The following EIF4G3 variants were observed in gnomAD, a reference collection of about 807,000 sequenced individuals.
EIF4G3 encodes the protein eIF-4-gamma 3.
A neutral mutation model predicts 186.4 loss-of-function variants in EIF4G3; 34 were observed. That is an observed-to-expected ratio of 0.18 (90% confidence interval 0.14 to 0.24). The LOEUF is 0.24. Among genes scored for constraint, EIF4G3 ranks in the 10% least tolerant of loss-of-function variants. EIF4G3 has a pLI of 1.00. For synonymous variants in EIF4G3, 673 were observed against 679.5 expected (o/e 0.99, Z 0.15); for missense variants, 1,536 against 1,948.5 (o/e 0.79, Z 3.99).
intron 9 of EIF4G3, 79 bp from the exon 10 acceptor site, chr1:20,980,527 A>C: frequency 1.0e-6 from 1 of 961,160 alleles, no homozygotes; most frequent in Non-Finnish European, 1.5e-6. Flanking sequence ...ATAAGAAAGT[A>C]GCTTACTACA....
In EIF4G3 at chr1:21,154,211, G is replaced by T. The variant is rs76879486; in HGVS notation, c.-272+21964C>A. ...CTTCCCTAGGAATGTGCCTCTGGTTGCAATAAACAAACTCTCTATATAGAT... is the reference window on the plus strand; with the variant it reads ...CTTCCCTAGGAATGTGCCTCTGGTTTCAATAAACAAACTCTCTATATAGAT... On this transcript the variant is annotated intron_variant, in intron 2 of 36. Coordinates refer to ENST00000602326, the MANE Select transcript of EIF4G3 (RefSeq NM_001391906.1). 3.7e-3 allele frequency among the ~76,000 whole-genome samples: 570 copies of T among 152,292 alleles called. 1 individual carries two copies. The highest frequency in any genetic ancestry group is 6.4e-3 in the Non-Finnish European group (434 of 68,014).
chr1:21,113,660 G>A (rs1296937248), intron 2 of EIF4G3, among the ~76,000 whole-genome samples: 1 of 152,018 alleles, frequency 6.6e-6, no homozygotes, highest in African/African-American at 2.4e-5. Flanking sequence ...TTGGTCACCT[G>A]GAAAATACTG....
At chr1:21,018,714 T>C (rs2089921928) in intron 4 of EIF4G3, among the ~76,000 whole-genome samples, 1 of 152,166 alleles carries the variant, frequency 6.6e-6, no homozygotes, top group African/African-American at 2.4e-5. Flanking sequence ...GCTGCCATCC[T>C]TGCTGGAGTG....
intron 2 of EIF4G3, among the ~76,000 whole-genome samples, chr1:21,129,889 G>A (rs965369251): frequency 6.6e-6 from 1 of 152,058 alleles, no homozygotes; most frequent in African/African-American, 2.4e-5. Flanking sequence ...CATGGAAGAG[G>A]GGAGGTAACA....
intron 12 of EIF4G3, among the ~76,000 whole-genome samples, chr1:20,954,316 T>A (rs969814003): frequency 3.2e-4 from 48 of 151,912 alleles, no homozygotes; most frequent in African/African-American, 1.0e-3. Context: ...GGCGGGTGGA[T>A]CACGACGTTA....
intron 4 of EIF4G3, among the ~76,000 whole-genome samples, chr1:21,029,070 T>C (rs2092470018): frequency 6.6e-6 from 1 of 151,018 alleles, no homozygotes; most frequent in Non-Finnish European, 1.5e-5. Context: ...CGCTCTGGGG[T>C]ACAGTGGCGT....
At chr1:20,928,370 C>A (rs995983676) in intron 14 of EIF4G3, among the ~76,000 whole-genome samples, 2 of 152,062 alleles carry the variant, frequency 1.3e-5, no homozygotes, top group African/African-American at 2.4e-5. Context: ...CTAAGCAAAT[C>A]CTTATATAGA....
At chr1:21,036,221 C>T (rs1186983968) in intron 4 of EIF4G3, among the ~76,000 whole-genome samples, 2 of 152,124 alleles carry the variant, frequency 1.3e-5, no homozygotes, top group African/African-American at 4.8e-5. Context: ...TCTAGGGCCT[C>T]CTCTCTGCCG....
intron 3 of EIF4G3, among the ~76,000 whole-genome samples, chr1:21,063,375 C>T (rs548368467): frequency 1.9e-4 from 29 of 152,070 alleles, no homozygotes; most frequent in African/African-American, 7.0e-4. Flanking sequence ...ATTGATTCTG[C>T]TGAGAGAGCG....
At chr1:20,829,440 T>C (rs1343792598) in intron 30 of EIF4G3, among the ~76,000 whole-genome samples, 168 bp from the exon 31 acceptor site, 1 of 152,182 alleles carries the variant, frequency 6.6e-6, no homozygotes, top group Non-Finnish European at 1.5e-5. Flanking sequence ...AAAGAGATTA[T>C]GTTAGCGTGG....
chr1:20,923,620 G>A (rs561467842), intron 14 of EIF4G3, among the ~76,000 whole-genome samples: 59 of 151,692 alleles, frequency 3.9e-4, no homozygotes, highest in South Asian at 1.0e-3. Context: ...TCACTGCCTC[G>A]AATATATAAC....
intron 12 of EIF4G3, among the ~76,000 whole-genome samples, chr1:20,961,181 A>C (rs1367755190): frequency 6.6e-6 from 1 of 152,104 alleles, no homozygotes; most frequent in Non-Finnish European, 1.5e-5. Context: ...TCAGGAGATC[A>C]AGACCATCCT....
At chr1:21,080,421 A>G (rs2095737334) in intron 3 of EIF4G3, among the ~76,000 whole-genome samples, 2 of 152,094 alleles carry the variant, frequency 1.3e-5, no homozygotes, top group Non-Finnish European at 2.9e-5. Flanking sequence ...AGCCTGTGCA[A>G]GAGCGGAGGA....
chr1:21,165,624 C>A lies in EIF4G3; in HGVS notation c.-272+10551G>T, dbSNP rs1267728745. The stretch of plus-strand genomic sequence containing the variant: ...ATTTACGTAAAAAGTTCAAAATAGG[C>A]AGATATATAGAGGCAGAAAATAGAC... On this transcript the variant is annotated intron_variant, in intron 2 of 36. Coordinates refer to ENST00000602326, the MANE Select transcript of EIF4G3 (RefSeq NM_001391906.1). Among the ~76,000 whole-genome samples the A allele has an allele frequency of 2.0e-5, 3 of 152,032 alleles. No individual in the cohort carries two copies. The East Asian group carries it at 5.8e-4, about 29-fold the overall frequency.
intron 2 of EIF4G3, among the ~76,000 whole-genome samples, chr1:21,102,884 C>T (rs2101877790): frequency 6.6e-6 from 1 of 152,160 alleles, no homozygotes; most frequent in South Asian, 2.1e-4. Flanking sequence ...TTAACGTATC[C>T]ATCCATAGCA....
intron 29 of EIF4G3, among the ~76,000 whole-genome samples, chr1:20,845,826 C>T (rs1196610809): frequency 2.0e-5 from 3 of 151,808 alleles, no homozygotes; most frequent in Non-Finnish European, 4.4e-5. Flanking sequence ...ATACTTTTTT[C>T]TAGTTCTTTG....
chr1:20,923,822 T>TATAA (rs1294176282), intron 14 of EIF4G3, among the ~76,000 whole-genome samples: 2 of 150,598 alleles, frequency 1.3e-5, no homozygotes, highest in African/African-American at 4.9e-5. Context: ...TATATATATA[T>TATAA]ATATATATAT....
chr1:20,966,631 C>G (rs1057062880), intron 12 of EIF4G3, among the ~76,000 whole-genome samples: 6 of 152,068 alleles, frequency 3.9e-5, no homozygotes, highest in African/African-American at 1.4e-4. Flanking sequence ...GCCACCACCC[C>G]TGGCTAGTTT....
At chr1:20,983,544 G>A (rs2078755859) in intron 7 of EIF4G3, among the ~76,000 whole-genome samples, 5 of 130,246 alleles carry the variant, frequency 3.8e-5, no homozygotes, top group Non-Finnish European at 9.0e-5. Flanking sequence ...CAACACTTCA[G>A]GAACAAACTT....
Sources: allele counts gnomAD v4.1 joint callset (sites outside exome capture counted in the v4.1 genomes callset), GRCh38; gene constraint gnomAD v4.1.1; transcripts MANE v1.5; gene names NCBI Gene and HGNC (gene_info 2026-07-23, HGNC 2026-07-21).